Variants in PHLPP1 observed in about 807,000 individuals in gnomAD.
PHLPP1 encodes the protein PH domain and leucine rich repeat protein phosphatase 1.
In PHLPP1, 42 loss-of-function variants were observed where a neutral mutation model predicts 117.2. The ratio of observed to expected loss-of-function variants is 0.36; its 90% CI spans 0.28 to 0.46. The LOEUF (loss-of-function observed/expected upper bound fraction) is 0.46, where lower values mean the gene tolerates loss of function less well. Ranked by LOEUF, PHLPP1 falls within the 20% of genes least tolerant of loss-of-function variation. The probability of loss-of-function intolerance (pLI) is 1.00; values close to 1 mark genes in which losing one functional copy is unlikely to be tolerated. For missense variants in PHLPP1, 2,084 were observed against 2,241.9 expected (o/e 0.93, Z 1.42); for synonymous variants, 1,042 against 970.7 (o/e 1.07, Z -1.37).
intron 12 of PHLPP1, among the ~76,000 whole-genome samples, chr18:62,949,287 C>A (rs779441637): frequency 3.3e-5 from 5 of 152,146 alleles, no homozygotes; most frequent in Admixed American, 6.5e-5. Context: ...AGCTTTGTTA[C>A]CAAAGTTTTA....
chr18:62,787,158 T>C (rs916199966), intron 1 of PHLPP1, among the ~76,000 whole-genome samples: 8 of 152,108 alleles, frequency 5.3e-5, no homozygotes, highest in Non-Finnish European at 1.0e-4. Flanking sequence ...GCCTTTTTTT[T>C]CTCTCTTTTC....
chr18:62,873,990 C>T (rs1222324873), intron 4 of PHLPP1, among the ~76,000 whole-genome samples: 1 of 149,944 alleles, frequency 6.7e-6, no homozygotes, highest in Non-Finnish European at 1.5e-5. Context: ...CAAGACCAGC[C>T]TGACCAACAC....
intron 8 of PHLPP1, among the ~76,000 whole-genome samples, chr18:62,913,085 G>A (rs1050733012): frequency 1.3e-5 from 2 of 152,060 alleles, no homozygotes; most frequent in African/African-American, 4.8e-5. Flanking sequence ...TCTTCCTGTG[G>A]CCACTCTCAT....
intron 10 of PHLPP1, among the ~76,000 whole-genome samples, chr18:62,939,143 A>G (rs536024935): frequency 8.6e-5 from 13 of 151,646 alleles, no homozygotes; most frequent in Middle Eastern, 6.8e-3. Context: ...GGTGCCTGCC[A>G]CCACACCCAG....
intron 1 of PHLPP1, among the ~76,000 whole-genome samples, chr18:62,793,494 CCAGA>C (rs1599050438): frequency 1.3e-5 from 2 of 152,310 alleles, no homozygotes; most frequent in South Asian, 4.1e-4. Context: ...TGGTCCTTGT[CCAGA>C]CAGTCAGCCT....
chr18:62,812,244 A>G (rs575212021), intron 1 of PHLPP1, among the ~76,000 whole-genome samples: 14 of 151,112 alleles, frequency 9.3e-5, no homozygotes, highest in African/African-American at 3.4e-4. Context: ...AAAATCATTC[A>G]TGCTTGGCTT....
intron 1 of PHLPP1, among the ~76,000 whole-genome samples, chr18:62,802,753 G>A (rs767527185): frequency 5.3e-5 from 8 of 151,984 alleles, no homozygotes; most frequent in Non-Finnish European, 8.8e-5. Context: ...CTGTTGGAGC[G>A]TGGAACTTAC....
chr18:62,901,572 A>G (rs995608397), intron 6 of PHLPP1, among the ~76,000 whole-genome samples: 2 of 151,560 alleles, frequency 1.3e-5, no homozygotes, highest in Non-Finnish European at 2.9e-5. Context: ...GAAATTCACT[A>G]TAGAGAAACT....
At chr18:62,770,572 C>T (rs996189985) in intron 1 of PHLPP1, among the ~76,000 whole-genome samples, 4 of 152,168 alleles carry the variant, frequency 2.6e-5, no homozygotes, top group Non-Finnish European at 4.4e-5. Flanking sequence ...ACCATACATT[C>T]TTTTTGCATT....
chr18:62,788,510 A>C (rs181259885), intron 1 of PHLPP1, among the ~76,000 whole-genome samples: 1 of 152,308 alleles, frequency 6.6e-6, no homozygotes, highest in Non-Finnish European at 1.5e-5. Context: ...ACAGAGCACC[A>C]TTTTATGTAA....
At chr18:62,833,545 C>G (rs764010782) in intron 2 of PHLPP1, among the ~76,000 whole-genome samples, 2 of 152,160 alleles carry the variant, frequency 1.3e-5, no homozygotes, top group Admixed American at 1.3e-4. Context: ...GAAGGATTCA[C>G]TGTCCTAGAA....
At chr18:62,718,817 A>G (rs956600808) in intron 1 of PHLPP1, among the ~76,000 whole-genome samples, 10 of 152,220 alleles carry the variant, frequency 6.6e-5, no homozygotes, top group African/African-American at 2.2e-4. Flanking sequence ...GTTTGAACAA[A>G]TTTTATATGG....
At chr18:62,963,997 C>A (rs1910837625) in intron 14 of PHLPP1, among the ~76,000 whole-genome samples, 2 of 152,022 alleles carry the variant, frequency 1.3e-5, no homozygotes, top group Non-Finnish European at 2.9e-5. Flanking sequence ...ATCTTAATAT[C>A]TTTTTCTTCT....
chr18:62,756,915 A>C (rs1410571824), intron 1 of PHLPP1, among the ~76,000 whole-genome samples: 1 of 152,226 alleles, frequency 6.6e-6, no homozygotes, highest in African/African-American at 2.4e-5. Context: ...AGAGAAGTGT[A>C]GAATGAGCCT....
At chr18:62,949,062 A>G (rs935104307) in intron 12 of PHLPP1, among the ~76,000 whole-genome samples, 6 of 152,186 alleles carry the variant, frequency 3.9e-5, no homozygotes, top group Admixed American at 2.0e-4. Context: ...AAATTTTATT[A>G]TTGAGTTAAT....
chr18:62,775,509 C>T (rs1912924777), intron 1 of PHLPP1, among the ~76,000 whole-genome samples: 1 of 152,206 alleles, frequency 6.6e-6, no homozygotes, highest in African/African-American at 2.4e-5. Flanking sequence ...ATTCAGCTCA[C>T]ATTTATCTTT....
chr18:62,757,177 G>A (rs1912052408), intron 1 of PHLPP1, among the ~76,000 whole-genome samples: 1 of 152,156 alleles, frequency 6.6e-6, no homozygotes, highest in Admixed American at 6.5e-5. Flanking sequence ...AGGAAGACAA[G>A]GCCTCAATAC....
At chr18:62,922,223 A>T (rs746830836) in intron 10 of PHLPP1, among the ~76,000 whole-genome samples, 1 of 151,890 alleles carries the variant, frequency 6.6e-6, no homozygotes, top group Non-Finnish European at 1.5e-5. Context: ...TGCAACCTCC[A>T]CCTCCTGGGT....
chr18:62,853,962 G>A (rs1240440684), intron 3 of PHLPP1, among the ~76,000 whole-genome samples: 1 of 152,254 alleles, frequency 6.6e-6, no homozygotes, highest in Non-Finnish European at 1.5e-5. Flanking sequence ...AGGTGATCAG[G>A]GCAGGTCTAT....
Sources: gnomAD v4.1 joint callset for allele counts (sites outside exome capture counted in the v4.1 genomes callset) on GRCh38, gnomAD v4.1.1 for gene constraint, MANE v1.5 for transcripts, NCBI Gene and HGNC (gene_info 2026-07-23, HGNC 2026-07-21) for gene names.